Variants in DOCK3 observed in about 807,000 individuals in gnomAD.
DOCK3 encodes dedicator of cytokinesis 3, also known as dedicator of cytokinesis protein 3.
Under a neutral mutation model 265.6 loss-of-function variants are expected in DOCK3, and 60 were observed. The ratio of observed to expected loss-of-function variants is 0.23; its 90% CI spans 0.18 to 0.28. The LOEUF is 0.28. Among genes scored for constraint, DOCK3 ranks in the 10% least tolerant of loss-of-function variants. The probability of loss-of-function intolerance (pLI) is 1.00; values close to 1 mark genes in which losing one functional copy is unlikely to be tolerated. For synonymous variants in DOCK3, 881 were observed against 938.0 expected (o/e 0.94, Z 1.11); for missense variants, 1,981 against 2,594.3 (o/e 0.76, Z 5.14).
intron 11 of DOCK3, 29 bp from the exon 12 acceptor site, chr3:51,160,526 T>C: frequency 4.4e-6 from 7 of 1,584,796 alleles, no homozygotes; most frequent in Non-Finnish European, 6.0e-6. Flanking sequence ...CTTTTCTCAG[T>C]CTGACTGGTG....
At chr3:50,931,664 A>G in intron 4 of DOCK3, among the ~76,000 whole-genome samples, 1 of 152,228 alleles carries the variant, frequency 6.6e-6, no homozygotes, top group Non-Finnish European at 1.5e-5. Flanking sequence ...AATTAAAGTA[A>G]ATTAAACCAT....
chr3:50,773,151 T>G (rs370422531), intron 1 of DOCK3, among the ~76,000 whole-genome samples: 1 of 152,146 alleles, frequency 6.6e-6, no homozygotes, highest in South Asian at 2.1e-4. Context: ...AGCCAACTTA[T>G]TTTTGACAAA....
chr3:50,683,879 G>A (rs2034595032), intron 1 of DOCK3, among the ~76,000 whole-genome samples: 1 of 123,148 alleles, frequency 8.1e-6, no homozygotes, highest in African/African-American at 3.2e-5. Context: ...CTCTTGGCTG[G>A]TCTTGAACTC....
At chr3:51,130,673 C>A (rs2084487961) in intron 9 of DOCK3, among the ~76,000 whole-genome samples, 1 of 152,174 alleles carries the variant, frequency 6.6e-6, no homozygotes, top group Non-Finnish European at 1.5e-5. Flanking sequence ...TCTCTGCAAT[C>A]CCTCCAAGGA....
intron 12 of DOCK3, among the ~76,000 whole-genome samples, chr3:51,204,303 T>C (rs2089030295): frequency 7.8e-5 from 11 of 141,634 alleles, no homozygotes; most frequent in Admixed American, 5.3e-4. Flanking sequence ...TACAATGAAC[T>C]CAAACAAATT....
chr3:51,330,490 A>G (rs1038160221), intron 33 of DOCK3, among the ~76,000 whole-genome samples: 2 of 152,206 alleles, frequency 1.3e-5, no homozygotes, highest in South Asian at 4.1e-4. Flanking sequence ...GCGTGTCTTC[A>G]TAACATGCAC....
chr3:50,742,105 C>G (rs1388731627), intron 1 of DOCK3, among the ~76,000 whole-genome samples: 1 of 152,126 alleles, frequency 6.6e-6, no homozygotes, highest in Non-Finnish European at 1.5e-5. Flanking sequence ...GTCCTTCGCC[C>G]ACTTTTTGAA....
intron 13 of DOCK3, among the ~76,000 whole-genome samples, chr3:51,210,251 G>A (rs533666630): frequency 1.4e-4 from 22 of 152,278 alleles, no homozygotes; most frequent in African/African-American, 5.3e-4. Context: ...GAGCGAGCAG[G>A]GACTGTGCCA....
At chr3:51,307,884 T>G (rs1450882876) in intron 27 of DOCK3, among the ~76,000 whole-genome samples, 8 of 149,646 alleles carry the variant, frequency 5.3e-5, no homozygotes, top group East Asian at 3.9e-4. Context: ...TATGGGTTTT[T>G]TTTTTTGTTT....
intron 38 of DOCK3, among the ~76,000 whole-genome samples, chr3:51,342,369 A>ATGCTCAGC (rs1360628520): frequency 6.6e-6 from 1 of 152,226 alleles, no homozygotes; most frequent in Admixed American, 6.5e-5. Context: ...AAGGATGCCC[A>ATGCTCAGC]TGCTCAGCTC....
intron 12 of DOCK3, among the ~76,000 whole-genome samples, chr3:51,202,438 A>G (rs2088849740): frequency 6.6e-6 from 1 of 151,988 alleles, no homozygotes; most frequent in Non-Finnish European, 1.5e-5. Context: ...TAAATTCCTC[A>G]ACATATACAC....
chr3:50,823,448 A>G (rs533686505), intron 2 of DOCK3, among the ~76,000 whole-genome samples: 1 of 152,222 alleles, frequency 6.6e-6, no homozygotes, highest in African/African-American at 2.4e-5. Context: ...CCCTGAGTGG[A>G]CACAGCACAT....
At chr3:50,793,139 G>C (rs11717049) in intron 2 of DOCK3, among the ~76,000 whole-genome samples, 47,081 of 151,938 alleles carry the variant, frequency 0.31, 9,460 homozygotes, top group Non-Finnish European at 0.42. Flanking sequence ...GTCTTGGGAG[G>C]GGGTATGTGT....
At chr3:50,997,604 G>A (rs1170436883) in intron 5 of DOCK3, among the ~76,000 whole-genome samples, 2 of 152,096 alleles carry the variant, frequency 1.3e-5, no homozygotes, top group African/African-American at 2.4e-5. Context: ...AATGGTAACA[G>A]GGAACTGTCT....
chr3:50,875,136 A>T (rs1329713995), intron 3 of DOCK3, among the ~76,000 whole-genome samples: 1 of 152,182 alleles, frequency 6.6e-6, no homozygotes, highest in Middle Eastern at 3.2e-3. Flanking sequence ...TGATAGGTGC[A>T]GCAAACCACC....
At chr3:51,089,898 C>CAAAAAAAAAAAA (rs1166631932) in intron 8 of DOCK3, among the ~76,000 whole-genome samples, 1 of 42,306 alleles carries the variant, frequency 2.4e-5, no homozygotes, top group Non-Finnish European at 4.7e-5. Context: ...GACTCTGTCT[C>CAAAAAAAAAAAA]AAAAAAAAAA....
intron 2 of DOCK3, among the ~76,000 whole-genome samples, chr3:50,812,316 A>G (rs2106778546): frequency 6.6e-6 from 1 of 152,340 alleles, no homozygotes; most frequent in African/African-American, 2.4e-5. Context: ...ACAATAGCAC[A>G]CCAGATCCCT....
At chr3:51,111,802 A>C (rs4309763) in intron 9 of DOCK3, among the ~76,000 whole-genome samples, 137,138 of 152,178 alleles carry the variant, frequency 0.9, 61,985 homozygotes, top group African/African-American at 0.95. Flanking sequence ...AAATTTTTGC[A>C]ACCTGTGCAC....
At chr3:50,690,375 C>T (rs993500837) in intron 1 of DOCK3, among the ~76,000 whole-genome samples, 1 of 151,920 alleles carries the variant, frequency 6.6e-6, no homozygotes, top group African/African-American at 2.4e-5. Flanking sequence ...CTCAAGAGAC[C>T]CTTCTACCTT....
Sources: allele counts gnomAD v4.1 joint callset (sites outside exome capture counted in the v4.1 genomes callset), GRCh38; gene constraint gnomAD v4.1.1; transcripts MANE v1.5; gene names NCBI Gene and HGNC (gene_info 2026-07-23, HGNC 2026-07-21).